STK3: variants seen among roughly 807,000 people sequenced by gnomAD.
STK3 encodes the protein serine/threonine kinase 3.
In STK3, 41 loss-of-function variants were observed where a neutral mutation model predicts 58.0. That is an observed-to-expected ratio of 0.71 (90% CI 0.55 to 0.92). The LOEUF (loss-of-function observed/expected upper bound fraction) is 0.92. STK3 is among the 40% of genes least tolerant of loss of function. The pLI is 0.00. For missense variants in STK3, 479 were observed against 602.7 expected, an observed-to-expected ratio of 0.79 and a Z score of 2.15; for synonymous variants, 170 against 191.0, an observed-to-expected ratio of 0.89 and a Z score of 0.91.
chr8:98,940,895 C>T (rs576591695), intron 1 of STK3, among the ~76,000 whole-genome samples: 42 of 152,364 alleles, frequency 2.8e-4, no homozygotes, highest in Admixed American at 1.0e-3. Flanking sequence ...AAGGACCCGA[C>T]GGTGGGTGTG....
intron 1 of STK3, among the ~76,000 whole-genome samples, chr8:98,913,116 G>T (rs1225141837): frequency 2.8e-5 from 4 of 142,960 alleles, no homozygotes; most frequent in African/African-American, 1.1e-4. Context: ...AAAAATTAGG[G>T]GTTCACATAA....
chr8:98,541,612 A>T (rs10108828), intron 9 of STK3, among the ~76,000 whole-genome samples: 59,310 of 151,996 alleles, frequency 0.39, 12,040 homozygotes, highest in East Asian at 0.56. Flanking sequence ...CCTGGAGTAG[A>T]TTCTGTTTCC....
rs201566520 is a variant in STK3, at chr8:98,585,323, A to G, written c.823-5534T>C. 3.2e-4 allele frequency among the ~76,000 whole-genome samples: 49 copies of G among 152,102 alleles called. No homozygotes were observed. In the South Asian group the frequency reaches 9.4e-3, roughly 29 times the overall value. Reference sequence around the variant, plus strand: ...TCAGCCTTCTACATATGACTAGCCAATTTTCCCAGCACCATTTATTAAATA... The same window carrying G: ...TCAGCCTTCTACATATGACTAGCCAGTTTTCCCAGCACCATTTATTAAATA... On this transcript the variant is annotated intron_variant, in intron 7 of 10. Coordinates refer to ENST00000419617, the MANE Select transcript of STK3 (RefSeq NM_006281.4).
At chr8:98,464,609 A>G (rs184548540) in intron 10 of STK3, among the ~76,000 whole-genome samples, 2 of 151,724 alleles carry the variant, frequency 1.3e-5, no homozygotes, top group East Asian at 3.9e-4. Flanking sequence ...TTCATATATT[A>G]AGGCATTTTC....
At chr8:98,382,683 C>T (rs2131002996) in intron 1 of STK3, among the ~76,000 whole-genome samples, 1 of 152,234 alleles carries the variant, frequency 6.6e-6, no homozygotes, top group Admixed American at 6.5e-5. Context: ...TGAAATACTC[C>T]CACTCCCCTG....
chr8:98,349,545 C>G, the STK3 span, among the ~76,000 whole-genome samples: 1 of 152,220 alleles, frequency 6.6e-6, no homozygotes, highest in African/African-American at 2.4e-5. Context: ...TGGGGACTCT[C>G]TATGGGGGAC....
intron 1 of STK3, among the ~76,000 whole-genome samples, chr8:98,894,798 C>T (rs957108253): frequency 3.9e-5 from 6 of 152,140 alleles, no homozygotes; most frequent in African/African-American, 1.2e-4. Flanking sequence ...ATACCTTACT[C>T]CTCTAATTGG....
At chr8:98,714,585 G>A (rs1563922583) in intron 4 of STK3, among the ~76,000 whole-genome samples, 1 of 152,108 alleles carries the variant, frequency 6.6e-6, no homozygotes, top group Non-Finnish European at 1.5e-5. Flanking sequence ...GGGACATGAA[G>A]GACCTCTTTA....
At chr8:98,506,548 T>C (rs995391969) in intron 10 of STK3, among the ~76,000 whole-genome samples, 7 of 152,234 alleles carry the variant, frequency 4.6e-5, no homozygotes, top group African/African-American at 1.2e-4. Context: ...TCCATGTCTC[T>C]ACTAATAATA....
intron 4 of STK3, chr8:98,723,074 C>A (rs777303815): frequency 9.5e-5 from 26 of 275,028 alleles, no homozygotes; most frequent in Non-Finnish European, 1.6e-4. Context: ...ATCCTCAATA[C>A]ATTACAGATT....
intron 10 of STK3, among the ~76,000 whole-genome samples, chr8:98,501,844 C>T (rs1306691981): frequency 2.0e-5 from 3 of 152,182 alleles, no homozygotes; most frequent in Non-Finnish European, 2.9e-5. Context: ...AGCGTGATGC[C>T]TCCAGCTTTG....
chr8:98,544,652 A>T (rs1563724486), intron 9 of STK3, among the ~76,000 whole-genome samples: 1 of 6,948 alleles, frequency 1.4e-4, no homozygotes, highest in Non-Finnish European at 3.4e-4. Flanking sequence ...CTACTATAAC[A>T]CACACACACA....
chr8:98,646,547 T>C (rs890761531), intron 6 of STK3, among the ~76,000 whole-genome samples: 2 of 152,112 alleles, frequency 1.3e-5, no homozygotes, highest in African/African-American at 4.8e-5. Context: ...CCCTAATATA[T>C]ACAAACACAT....
chr8:98,491,306 T>C (rs945673074), intron 10 of STK3, among the ~76,000 whole-genome samples: 4 of 152,192 alleles, frequency 2.6e-5, no homozygotes, highest in Non-Finnish European at 2.9e-5. Flanking sequence ...TAAATGATGA[T>C]GAAACCAATA....
At chr8:98,827,058 G>C (rs1378689573), upstream of STK3, among the ~76,000 whole-genome samples, 2 of 134,466 alleles carry the variant, frequency 1.5e-5, no homozygotes, top group Non-Finnish European at 3.1e-5. Flanking sequence ...AAGATGGGCC[G>C]GGCGCGGTGG....
At chr8:98,424,111 C>G (rs544399077) in intron 3 of STK3, among the ~76,000 whole-genome samples, 1 of 152,250 alleles carries the variant, frequency 6.6e-6, no homozygotes, top group Non-Finnish European at 1.5e-5. Flanking sequence ...CTTTTCAGCA[C>G]GATGACTGGG....
At chr8:98,556,932 A>T (rs889564932) in intron 8 of STK3, among the ~76,000 whole-genome samples, 2 of 152,140 alleles carry the variant, frequency 1.3e-5, no homozygotes, top group African/African-American at 4.8e-5. Context: ...AAAGAGATCA[A>T]ACTGAATCTA....
At chr8:98,668,988 C>CTTTTT (rs35407432) in intron 6 of STK3, among the ~76,000 whole-genome samples, 44 of 111,094 alleles carry the variant, frequency 4.0e-4, no homozygotes, top group Admixed American at 5.5e-4. Flanking sequence ...TTAATCTTGT[C>CTTTTT]TTTTTTTTTT....
chr8:98,722,710 CT>C (rs964063850), intron 4 of STK3: 2 of 161,954 alleles, frequency 1.2e-5, no homozygotes, highest in Non-Finnish European at 2.7e-5. Context: ...AGAACTACTT[CT>C]TTCCATTGTG....
Sources: gnomAD v4.1 joint callset for allele counts (sites outside exome capture counted in the v4.1 genomes callset) on GRCh38, gnomAD v4.1.1 for gene constraint, MANE v1.5 for transcripts, NCBI Gene and HGNC (gene_info 2026-07-23, HGNC 2026-07-21) for gene names.